SCNN1B: variants seen among roughly 807,000 people sequenced by gnomAD.
SCNN1B encodes the protein sodium channel epithelial 1 subunit beta.
SCNN1B carries 46 observed loss-of-function variants against 65.3 expected under a neutral mutation model. The ratio of observed to expected loss-of-function variants is 0.70; its 90% CI spans 0.56 to 0.90. SCNN1B has a LOEUF of 0.90. Ranked by LOEUF, SCNN1B falls within the 40% of genes least tolerant of loss-of-function variation. SCNN1B has a pLI of 0.00. For missense variants in SCNN1B, 751 were observed against 830.5 expected, an observed-to-expected ratio of 0.90 and a Z score of 1.18; for synonymous variants, 349 against 330.6, an observed-to-expected ratio of 1.06 and a Z score of -0.60.
At chr16:23,310,654 G>T (rs919992139) in intron 1 of SCNN1B, among the ~76,000 whole-genome samples, 20 of 152,232 alleles carry the variant, frequency 1.3e-4, no homozygotes, top group African/African-American at 4.8e-4. Context: ...TCCAACTTGG[G>T]CAACACAGCG....
chr16:23,313,244 T>G (rs57013127), intron 1 of SCNN1B, among the ~76,000 whole-genome samples: 39,493 of 151,968 alleles, frequency 0.26, 5,495 homozygotes, highest in African/African-American at 0.36. Context: ...CATCCTCCAG[T>G]AAATTCCATG....
chr16:23,346,021 T>C (rs1400524632), intron 1 of SCNN1B, among the ~76,000 whole-genome samples: 1 of 152,024 alleles, frequency 6.6e-6, no homozygotes, highest in Admixed American at 6.6e-5. Flanking sequence ...GAAACCCTCA[T>C]GTGCCATAAC....
intron 4 of SCNN1B, 82 bp downstream of exon 4, chr16:23,355,571 A>G: frequency 7.0e-7 from 1 of 1,433,366 alleles, no homozygotes; most frequent in African/African-American, 1.4e-5. Context: ...ACAGCCTGCC[A>G]GGGTTCCAAT....
chr16:23,307,342 G>C (rs568645715), intron 1 of SCNN1B, among the ~76,000 whole-genome samples: 3 of 138,342 alleles, frequency 2.2e-5, no homozygotes, highest in Non-Finnish European at 4.6e-5. Flanking sequence ...TGTGGGGAAC[G>C]GAGTTTCATT....
chr16:23,365,133 A>C (rs1313153537), intron 4 of SCNN1B, among the ~76,000 whole-genome samples: 1 of 145,590 alleles, frequency 6.9e-6, no homozygotes, highest in African/African-American at 2.5e-5. Flanking sequence ...TCTCAAAAAC[A>C]AAAAAAAAAA....
chr16:23,279,020 G>T (rs948497318), intron 1 of SCNN1B, among the ~76,000 whole-genome samples: 5 of 151,860 alleles, frequency 3.3e-5, no homozygotes, highest in African/African-American at 7.3e-5. Context: ...GGGAGGGGGC[G>T]GGTGTTGAAA....
chr16:23,372,048 C>A, intron 7 of SCNN1B, 165 bp downstream of exon 7: 2 of 688,262 alleles, frequency 2.9e-6, no homozygotes, highest in East Asian at 2.7e-5. Flanking sequence ...CTTTCCTGGG[C>A]TCTCTCACCA....
intron 4 of SCNN1B, among the ~76,000 whole-genome samples, chr16:23,365,278 C>T (rs1256970597): frequency 6.8e-6 from 1 of 146,116 alleles, no homozygotes; most frequent in East Asian, 2.0e-4. Flanking sequence ...GGCAACAGAG[C>T]AAGACTTTGT....
At chr16:23,375,995 C>G in intron 8 of SCNN1B, 140 bp downstream of exon 8, 1 of 643,654 alleles carries the variant, frequency 1.6e-6, no homozygotes, top group South Asian at 1.8e-5. Flanking sequence ...TCTGAGGTCC[C>G]TCCTATGATC....
chr16:23,374,720 G>A (rs1962856855), intron 7 of SCNN1B, among the ~76,000 whole-genome samples: 1 of 151,966 alleles, frequency 6.6e-6, no homozygotes, highest in African/African-American at 2.4e-5. Context: ...TAATAGAAAG[G>A]CAGGACATAG....
At chr16:23,297,415 A>C (rs1218410333), upstream of SCNN1B, among the ~76,000 whole-genome samples, 1 of 152,226 alleles carries the variant, frequency 6.6e-6, no homozygotes, top group Non-Finnish European at 1.5e-5. Flanking sequence ...CAAGCAACAG[A>C]TACCCCAAGA....
intron 1 of SCNN1B, among the ~76,000 whole-genome samples, chr16:23,279,781 C>A (rs1960758026): frequency 6.6e-6 from 1 of 152,170 alleles, no homozygotes; most frequent in African/African-American, 2.4e-5. Context: ...CCCAGCCAGG[C>A]ATGACTGATC....
chr16:23,375,869 C>T lies in SCNN1B; in HGVS notation c.1270+14C>T, dbSNP rs141909058. ...TCCCAGACTGGGGTGAGCGGGGGCA[C>T]GGGGGATCGGCACTCCAGCCATCTG... is the stretch of plus-strand genomic sequence containing the variant. On this transcript the variant is annotated intron_variant, in intron 8 of 12. Coordinates refer to ENST00000343070, the MANE Select transcript of SCNN1B (RefSeq NM_000336.3). 5.4e-4 allele frequency: 822 copies of T among 1,536,144 alleles called. 1 individual carries two copies. Among genetic ancestry groups the T allele is most frequent in the Non-Finnish European group, 6.4e-4 (708 of 1,108,946 alleles).
intron 1 of SCNN1B, among the ~76,000 whole-genome samples, chr16:23,309,689 T>A (rs1961299640): frequency 1.3e-5 from 2 of 152,230 alleles, no homozygotes; most frequent in African/African-American, 2.4e-5. Flanking sequence ...GGCAGCTGAT[T>A]AGCTGGTGCC....
At chr16:23,295,588 G>A (rs1960985280) in intron 2 of SCNN1B, among the ~76,000 whole-genome samples, 1 of 152,090 alleles carries the variant, frequency 6.6e-6, no homozygotes, top group South Asian at 2.1e-4. Flanking sequence ...CTGGCCTCAC[G>A]CAATCCTCCC....
At chr16:23,327,028 C>T (rs1354442962) in intron 1 of SCNN1B, among the ~76,000 whole-genome samples, 2 of 152,040 alleles carry the variant, frequency 1.3e-5, no homozygotes, top group South Asian at 2.1e-4. Flanking sequence ...GCAATCTTCC[C>T]GCCTCAGCCT....
chr16:23,355,546 G>A (rs1962403091), intron 4 of SCNN1B, 57 bp downstream of exon 4: 2 of 1,570,650 alleles, frequency 1.3e-6, no homozygotes. Context: ...ACAGTGGCAT[G>A]TTACGGTTGG....
chr16:23,284,085 GC>G (rs1420362045), intron 2 of SCNN1B, among the ~76,000 whole-genome samples: 4 of 152,214 alleles, frequency 2.6e-5, no homozygotes, highest in African/African-American at 9.6e-5. Flanking sequence ...TGGCAGTAGA[GC>G]TTGGGAAATG....
intron 1 of SCNN1B, among the ~76,000 whole-genome samples, chr16:23,316,895 CTCACCATCACCTCCATTATCACCA>C (rs1225080865): frequency 6.6e-6 from 1 of 151,310 alleles, no homozygotes; most frequent in African/African-American, 2.4e-5. Flanking sequence ...CACCATCACC[CTCACCATCACCTCCATTATCACCA>C]TCACCATCAC....
Sources: allele counts gnomAD v4.1 joint callset (sites outside exome capture counted in the v4.1 genomes callset), GRCh38; gene constraint gnomAD v4.1.1; transcripts MANE v1.5; gene names NCBI Gene and HGNC (gene_info 2026-07-23, HGNC 2026-07-21).